PHF24: variants seen among roughly 807,000 people sequenced by gnomAD.
PHF24 encodes the protein Galpha inhibitory interacting protein.
In PHF24, 25 loss-of-function variants were observed where a neutral mutation model predicts 42.6. The observed-to-expected ratio is 0.59, with a 90% CI of 0.43 to 0.82. PHF24 has a LOEUF of 0.82. PHF24 is among the 40% of genes least tolerant of loss of function. The pLI, the probability that PHF24 is intolerant of heterozygous loss-of-function variation, is 0.00. For missense variants in PHF24, 470 were observed against 538.1 expected, an observed-to-expected ratio of 0.87 and a Z score of 1.25; for synonymous variants, 185 against 204.8, an observed-to-expected ratio of 0.90 and a Z score of 0.83.
At chr9:34,676,843 G>A in the PHF24 span, among the ~76,000 whole-genome samples, 3 of 152,092 alleles carry the variant, frequency 2.0e-5, no homozygotes, top group Admixed American at 6.5e-5. Flanking sequence ...GATGCCACAC[G>A]CTCTTAAACA....
At chr9:34,864,314 G>A in the PHF24 span, among the ~76,000 whole-genome samples, 1 of 152,122 alleles carries the variant, frequency 6.6e-6, no homozygotes, top group East Asian at 1.9e-4. Context: ...AGAACACCAA[G>A]CACATTTAAC....
chr9:34,783,516 C>G, the PHF24 span, among the ~76,000 whole-genome samples: 2 of 152,226 alleles, frequency 1.3e-5, no homozygotes, highest in African/African-American at 4.8e-5. Context: ...TAAGCCCTCT[C>G]TATTGCACTC....
At chr9:34,907,257 G>A in the PHF24 span, among the ~76,000 whole-genome samples, 8 of 152,126 alleles carry the variant, frequency 5.3e-5, no homozygotes, top group South Asian at 1.7e-3. Flanking sequence ...CCAACTCCTG[G>A]GTCCATTCAT....
the PHF24 span, among the ~76,000 whole-genome samples, chr9:34,861,272 T>TG: frequency 1.3e-5 from 2 of 152,222 alleles, no homozygotes; most frequent in Non-Finnish European, 2.9e-5. Context: ...GTGGTCAAAA[T>TG]GGAAATACCT....
chr9:34,756,968 G>A, the PHF24 span, among the ~76,000 whole-genome samples: 3 of 151,870 alleles, frequency 2.0e-5, no homozygotes, highest in South Asian at 2.1e-4. Flanking sequence ...GTGCAGTGGC[G>A]TGACTTGGCT....
the PHF24 span, among the ~76,000 whole-genome samples, chr9:34,688,403 A>T: frequency 6.6e-6 from 1 of 152,116 alleles, no homozygotes; most frequent in Non-Finnish European, 1.5e-5. Context: ...GCCCTGTGGG[A>T]TGCTCCAAGA....
the PHF24 span, among the ~76,000 whole-genome samples, chr9:34,907,968 G>T: frequency 2.9e-3 from 435 of 151,830 alleles, 1 homozygote; most frequent in African/African-American, 9.6e-3. Context: ...TCAGCCTCCC[G>T]AGTAGCTGGG....
chr9:34,690,125 G>A, the PHF24 span: 1 of 1,588,628 alleles, frequency 6.3e-7, no homozygotes, highest in Non-Finnish European at 8.6e-7. Context: ...GGTTGGGCTT[G>A]GCATGGAGAA....
At chr9:34,778,445 T>G in the PHF24 span, among the ~76,000 whole-genome samples, 1 of 152,182 alleles carries the variant, frequency 6.6e-6, no homozygotes. Flanking sequence ...ACCATGCAAC[T>G]AGCAACCATA....
At chr9:34,868,224 G>A in the PHF24 span, among the ~76,000 whole-genome samples, 1 of 152,094 alleles carries the variant, frequency 6.6e-6, no homozygotes, top group Non-Finnish European at 1.5e-5. Flanking sequence ...TTGAAGATTT[G>A]GTCTGATCAG....
the PHF24 span, among the ~76,000 whole-genome samples, chr9:34,783,017 CTCTTT>C: frequency 2.0e-5 from 3 of 152,198 alleles, 1 homozygote; most frequent in South Asian, 6.2e-4. Flanking sequence ...TCTGACCTAT[CTCTTT>C]TCTTATTTGT....
At chr9:34,863,280 A>T in the PHF24 span, among the ~76,000 whole-genome samples, 7 of 152,248 alleles carry the variant, frequency 4.6e-5, no homozygotes, top group South Asian at 4.1e-4. Flanking sequence ...TTGAGCAAAC[A>T]TAGGTAGCAT....
the PHF24 span, among the ~76,000 whole-genome samples, chr9:34,950,674 G>T: frequency 6.6e-6 from 1 of 151,996 alleles, no homozygotes; most frequent in Non-Finnish European, 1.5e-5. Flanking sequence ...CCTTTAAAAA[G>T]GTGAATTTTA....
the PHF24 span, among the ~76,000 whole-genome samples, chr9:34,708,315 A>G: frequency 2.6e-5 from 4 of 152,146 alleles, no homozygotes; most frequent in Admixed American, 6.5e-5. Context: ...CAGCCAGGAA[A>G]GAAAGGAGGA....
At chr9:34,980,171 G>A (rs1249455528) in exon 8 of PHF24, 1 of 152,226 alleles carries the variant, frequency 6.6e-6, no homozygotes, top group African/African-American at 2.4e-5. Context: ...CACAGGGACT[G>A]GAAGTCCATC....
At chr9:34,952,949 C>A (rs1348554235), upstream of PHF24, among the ~76,000 whole-genome samples, 1 of 152,194 alleles carries the variant, frequency 6.6e-6, no homozygotes, top group Admixed American at 6.5e-5. Context: ...ATCTATACCT[C>A]ATACCTTACA....
the PHF24 span, among the ~76,000 whole-genome samples, chr9:34,711,084 G>A: frequency 2.6e-5 from 4 of 152,012 alleles, no homozygotes; most frequent in South Asian, 4.1e-4. Context: ...CATTTTGCTC[G>A]TATACATTTT....
upstream of PHF24, among the ~76,000 whole-genome samples, chr9:34,954,282 A>C (rs1031496894): frequency 6.6e-6 from 1 of 152,220 alleles, no homozygotes; most frequent in Non-Finnish European, 1.5e-5. Flanking sequence ...ACGTACCACA[A>C]TTCTCAGGCT....
At chr9:34,950,289 A>G in the PHF24 span, among the ~76,000 whole-genome samples, 5 of 150,096 alleles carry the variant, frequency 3.3e-5, 1 homozygote, top group Middle Eastern at 0.01. Flanking sequence ...CGGAGGTTGC[A>G]GTAAGCAGAG....
Sources: gnomAD v4.1 joint callset for allele counts (sites outside exome capture counted in the v4.1 genomes callset) on GRCh38, gnomAD v4.1.1 for gene constraint, MANE v1.5 for transcripts, NCBI Gene and HGNC (gene_info 2026-07-23, HGNC 2026-07-21) for gene names.